MSRA: variants seen among roughly 807,000 people sequenced by gnomAD.
MSRA encodes the protein mitochondrial peptide methionine sulfoxide reductase.
Under a neutral mutation model 31.3 loss-of-function variants are expected in MSRA, and 54 were observed. The observed-to-expected ratio is 1.73, with a 90% CI of 1.39 to 2.17. The LOEUF (loss-of-function observed/expected upper bound fraction) is 2.17, where lower values mean the gene tolerates loss of function less well. MSRA is among the 30% of genes most tolerant of loss of function. MSRA has a pLI of 0.00. For synonymous variants in MSRA, 169 were observed against 116.5 expected (o/e 1.45, Z -2.90); for missense variants, 507 against 300.9 (o/e 1.69, Z -5.07).
At chr8:10,314,311 G>T (rs888153670) in intron 4 of MSRA, among the ~76,000 whole-genome samples, 2 of 152,098 alleles carry the variant, frequency 1.3e-5, no homozygotes, top group Non-Finnish European at 2.9e-5. Flanking sequence ...AGACTTAAAT[G>T]TATGTGCAGT....
intron 5 of MSRA, among the ~76,000 whole-genome samples, chr8:10,365,770 T>A (rs1308748793): frequency 6.6e-6 from 1 of 152,236 alleles, no homozygotes; most frequent in Non-Finnish European, 1.5e-5. Flanking sequence ...TCATCAGGCC[T>A]CCTGGTGCTC....
intron 1 of MSRA, among the ~76,000 whole-genome samples, chr8:10,175,472 A>T (rs559440886): frequency 7.7e-4 from 117 of 152,342 alleles, no homozygotes; most frequent in Non-Finnish European, 1.3e-3. Flanking sequence ...TGACTAATTG[A>T]TAACCGAGAT....
chr8:10,344,249 G>A (rs1803627235), intron 5 of MSRA, among the ~76,000 whole-genome samples: 1 of 152,260 alleles, frequency 6.6e-6, no homozygotes, highest in South Asian at 2.1e-4. Flanking sequence ...TCTGTACGGT[G>A]ATCTCTCAGC....
chr8:10,134,464 G>A lies in MSRA; in HGVS notation c.143-73369G>A, dbSNP rs192691913. 2.0e-5 allele frequency among the ~76,000 whole-genome samples: 3 copies of A among 152,352 alleles called. No homozygotes were observed. In the East Asian group the frequency reaches 5.8e-4, roughly 29 times the overall value. ...GGTTTCAGTTTATCCCTGTGCCGGT[G>A]TTGCTCCCAAACACGGTGACCGTGG... is the stretch of plus-strand genomic sequence containing the variant. On this transcript the variant is annotated intron_variant, in intron 1 of 5. Coordinates refer to ENST00000317173, the MANE Select transcript of MSRA (RefSeq NM_012331.5).
At chr8:10,094,110 A>G (rs1210104565) in intron 1 of MSRA, among the ~76,000 whole-genome samples, 1 of 152,228 alleles carries the variant, frequency 6.6e-6, no homozygotes, top group Non-Finnish European at 1.5e-5. Context: ...CCCACGTTTC[A>G]TCATCCCTAT....
At chr8:10,058,164 A>G (rs895663590) in intron 1 of MSRA, among the ~76,000 whole-genome samples, 1 of 152,234 alleles carries the variant, frequency 6.6e-6, no homozygotes, top group African/African-American at 2.4e-5. Flanking sequence ...AAACAGATGT[A>G]GAGCACCATC....
chr8:10,283,836 T>TATATATACACAC (rs1261287031), intron 3 of MSRA, among the ~76,000 whole-genome samples: 22 of 53,152 alleles, frequency 4.1e-4, no homozygotes, highest in Non-Finnish European at 6.1e-4. Flanking sequence ...TATATATATA[T>TATATATACACAC]ACACACACAC....
chr8:10,283,818 TATATATATATATATATATACAC>T (rs1305899820), intron 3 of MSRA, among the ~76,000 whole-genome samples: 4 of 67,846 alleles, frequency 5.9e-5, no homozygotes, highest in East Asian at 1.0e-3. Flanking sequence ...TATATATATA[TATATATATATATATATATACAC>T]ACACACACAC....
At chr8:10,075,777 C>G (rs974935935) in intron 1 of MSRA, among the ~76,000 whole-genome samples, 1 of 152,184 alleles carries the variant, frequency 6.6e-6, no homozygotes, top group African/African-American at 2.4e-5. Flanking sequence ...CAATATTATT[C>G]TCTGGATTTA....
chr8:10,081,924 A>G (rs182114342), intron 1 of MSRA, among the ~76,000 whole-genome samples: 272 of 152,262 alleles, frequency 1.8e-3, no homozygotes, highest in Admixed American at 2.9e-3. Context: ...AACCTCATCC[A>G]TGGCTTTGGT....
At chr8:10,190,441 G>T (rs1807413759) in intron 1 of MSRA, among the ~76,000 whole-genome samples, 1 of 152,332 alleles carries the variant, frequency 6.6e-6, no homozygotes, top group Non-Finnish European at 1.5e-5. Flanking sequence ...CATGCTGCTA[G>T]TTCCTGACAA....
chr8:10,283,850 C>CACACACACACACACACACAT (rs1799787672), intron 3 of MSRA, among the ~76,000 whole-genome samples: 1 of 134,104 alleles, frequency 7.5e-6, no homozygotes, highest in Non-Finnish European at 1.6e-5. Context: ...CACACACACA[C>CACACACACACACACACACAT]ACACACACAC....
At chr8:10,377,258 C>G (rs1805807909) in intron 5 of MSRA, among the ~76,000 whole-genome samples, 1 of 152,274 alleles carries the variant, frequency 6.6e-6, no homozygotes, top group African/African-American at 2.4e-5. Context: ...ATTTGACATT[C>G]TTGCCTGGCA....
At chr8:10,395,809 C>T (rs148356403) in intron 5 of MSRA, among the ~76,000 whole-genome samples, 11 of 152,306 alleles carry the variant, frequency 7.2e-5, no homozygotes, top group African/African-American at 2.6e-4. Context: ...GATGTCCCAT[C>T]TTCTGTGGGT....
At chr8:10,233,092 G>C (rs1249304846) in intron 2 of MSRA, among the ~76,000 whole-genome samples, 2 of 152,182 alleles carry the variant, frequency 1.3e-5, no homozygotes, top group East Asian at 3.9e-4. Context: ...TATCACCTTA[G>C]GTTAAATATT....
At chr8:10,092,224 C>CT (rs1798893727) in intron 1 of MSRA, among the ~76,000 whole-genome samples, 1 of 151,870 alleles carries the variant, frequency 6.6e-6, no homozygotes, top group African/African-American at 2.4e-5. Context: ...TTTTTCCTTT[C>CT]TTTTTTTGGT....
chr8:10,271,295 A>G (rs1356273199), intron 3 of MSRA, among the ~76,000 whole-genome samples: 1 of 152,164 alleles, frequency 6.6e-6, no homozygotes, highest in Non-Finnish European at 1.5e-5. Context: ...GCAAGCAGGC[A>G]AACCCAGAAT....
intron 1 of MSRA, among the ~76,000 whole-genome samples, chr8:10,185,094 A>G (rs1806901317): frequency 3.9e-5 from 6 of 152,138 alleles, no homozygotes; most frequent in Admixed American, 3.9e-4. Flanking sequence ...CTCTCTCTCA[A>G]GGCTGAAGGG....
chr8:10,377,372 G>C (rs1805814688), intron 5 of MSRA, among the ~76,000 whole-genome samples: 1 of 152,250 alleles, frequency 6.6e-6, no homozygotes, highest in Non-Finnish European at 1.5e-5. Context: ...TAAAGAACCA[G>C]ATTCTCTGAT....
Sources: gnomAD v4.1 joint callset for allele counts (sites outside exome capture counted in the v4.1 genomes callset) on GRCh38, gnomAD v4.1.1 for gene constraint, MANE v1.5 for transcripts, NCBI Gene and HGNC (gene_info 2026-07-23, HGNC 2026-07-21) for gene names.